MCC: variants seen among roughly 807,000 people sequenced by gnomAD.
MCC encodes colorectal mutant cancer protein.
In MCC, 90 loss-of-function variants were observed where a neutral mutation model predicts 116.2. The observed-to-expected ratio is 0.77, with a 90% CI of 0.65 to 0.92. The LOEUF (loss-of-function observed/expected upper bound fraction) is 0.92, where lower values mean the gene tolerates loss of function less well. MCC is among the 40% of genes least tolerant of loss of function. The pLI is 0.00. For synonymous variants in MCC, 578 were observed against 510.5 expected (o/e 1.13, Z -1.78); for missense variants, 1,516 against 1,312.2 (o/e 1.16, Z -2.40).
chr5:113,243,511 C>G (rs770825035), intron 3 of MCC, among the ~76,000 whole-genome samples: 1 of 152,180 alleles, frequency 6.6e-6, no homozygotes. Context: ...CAGGCTTTGA[C>G]TGAAAGAATA....
At chr5:113,132,034 T>C (rs1758462737) in intron 5 of MCC, among the ~76,000 whole-genome samples, 1 of 152,180 alleles carries the variant, frequency 6.6e-6, no homozygotes, top group African/African-American at 2.4e-5. Flanking sequence ...GGTTCAACTT[T>C]TGAAAATGAG....
chr5:113,227,572 G>C (rs878980139), intron 3 of MCC, among the ~76,000 whole-genome samples: 2 of 152,138 alleles, frequency 1.3e-5, no homozygotes, highest in African/African-American at 4.8e-5. Context: ...GTACTTTAAT[G>C]ATTTATAGAA....
chr5:113,344,063 C>T (rs1165269432), intron 2 of MCC, among the ~76,000 whole-genome samples: 2 of 152,174 alleles, frequency 1.3e-5, no homozygotes, highest in African/African-American at 4.8e-5. Flanking sequence ...TCACCAACAC[C>T]ACTCCTCCCG....
chr5:113,140,783 T>C (rs1759129569), intron 5 of MCC, among the ~76,000 whole-genome samples: 1 of 152,242 alleles, frequency 6.6e-6, no homozygotes, highest in Non-Finnish European at 1.5e-5. Context: ...CCACTGTGTC[T>C]GTCCAGTATG....
In MCC at chr5:113,053,789, C is replaced by G. The variant is rs142153308; in HGVS notation, c.2384G>C (p.Arg795Pro). 3.1e-6 allele frequency: 5 copies of G among 1,613,898 alleles called. No individual in the cohort carries two copies. The highest frequency in any genetic ancestry group is 4.2e-6 in the Non-Finnish European group (5 of 1,179,914). ...IDPLSYDVKPRGDSQRLDLEN... is the reference protein window; with the variant it reads ...IDPLSYDVKPPGDSQRLDLEN... The stretch of plus-strand genomic sequence containing the variant: ...CAGATCCAGCCTCTGGCTGTCTCCC[C>G]GAGGCTTGACGTCATAGCTGAGAGG... The change falls in exon 15 of 19, where the codon CGG becomes CCG. Residue 795 changes from arginine (R) to proline (P), a missense_variant. Transcript: ENST00000408903.
At chr5:113,463,250 A>C (rs1771796051) in intron 1 of MCC, among the ~76,000 whole-genome samples, 1 of 152,120 alleles carries the variant, frequency 6.6e-6, no homozygotes, top group Admixed American at 6.5e-5. Context: ...AAGAATTATG[A>C]CTCACTTGAA....
intron 1 of MCC, among the ~76,000 whole-genome samples, chr5:113,482,426 T>C (rs963175879): frequency 1.3e-5 from 2 of 151,510 alleles, no homozygotes; most frequent in East Asian, 3.9e-4. Flanking sequence ...ACACTTATTA[T>C]CTGACTTGTT....
chr5:113,144,934 G>A (rs1759402378), intron 4 of MCC, among the ~76,000 whole-genome samples: 1 of 152,114 alleles, frequency 6.6e-6, no homozygotes, highest in Non-Finnish European at 1.5e-5. Flanking sequence ...GTTGAATGAG[G>A]GGCACATCTA....
At chr5:113,107,539 C>A (rs1224611167) in intron 6 of MCC, among the ~76,000 whole-genome samples, 2 of 152,130 alleles carry the variant, frequency 1.3e-5, no homozygotes, top group African/African-American at 2.4e-5. Context: ...GAGATGGAGG[C>A]AGGTGGACAC....
chr5:113,383,266 T>C (rs1769169343), intron 2 of MCC, among the ~76,000 whole-genome samples: 1 of 152,246 alleles, frequency 6.6e-6, no homozygotes, highest in African/African-American at 2.4e-5. Flanking sequence ...CAACTATGTA[T>C]GTGTGTACAC....
At chr5:113,241,649 C>T (rs1288032738) in intron 3 of MCC, among the ~76,000 whole-genome samples, 1 of 152,200 alleles carries the variant, frequency 6.6e-6, no homozygotes, top group Admixed American at 6.5e-5. Flanking sequence ...ACAGAGAACT[C>T]TGTGATATGA....
intron 1 of MCC, among the ~76,000 whole-genome samples, chr5:113,424,228 C>A (rs73236479): frequency 0.043 from 6,323 of 148,554 alleles, 608 homozygotes; most frequent in Admixed American, 0.23. Context: ...ATATCAGGAA[C>A]AACTGAAGAC....
chr5:113,331,421 G>A (rs1767693492), intron 3 of MCC, among the ~76,000 whole-genome samples: 1 of 151,558 alleles, frequency 6.6e-6, no homozygotes, highest in Admixed American at 6.6e-5. Context: ...CAGGGGTATA[G>A]TAGTGTTAGT....
chr5:113,143,073 A>C (rs1293178795), intron 5 of MCC, 145 bp downstream of exon 5: 1 of 861,706 alleles, frequency 1.2e-6, no homozygotes, highest in Non-Finnish European at 1.7e-6. Flanking sequence ...AAAGCCTTAG[A>C]TACAAAGAAA....
rs1288154258 is a variant in MCC at position 113,318,836 on chromosome 5, T to TA, written c.627+21682dup. Among the ~76,000 whole-genome samples the TA allele has an allele frequency of 2.6e-5, 4 of 152,108 alleles. No individual in the cohort carries two copies. The East Asian group carries it at 7.7e-4, about 29-fold the overall frequency. On this transcript the variant is annotated intron_variant, in intron 3 of 18. Coordinates refer to ENST00000408903, the MANE Select transcript of MCC (RefSeq NM_001085377.2). ...GTGCCCCGGAACTTAAAATAAAAGT[T>TA]AAAAAAAATGAAAATTTTATAATGC...
At chr5:113,236,848 G>A (rs1237443293) in intron 3 of MCC, among the ~76,000 whole-genome samples, 1 of 152,164 alleles carries the variant, frequency 6.6e-6, no homozygotes, top group East Asian at 1.9e-4. Context: ...CACTTGGTGG[G>A]TGGCTTCGCT....
chr5:113,370,622 A>T (rs922962080), intron 2 of MCC, among the ~76,000 whole-genome samples: 66 of 152,360 alleles, frequency 4.3e-4, no homozygotes, highest in African/African-American at 1.4e-3. Context: ...GCAGACTGGT[A>T]GAATATGGAC....
chr5:113,167,435 G>A (rs1760827677), intron 3 of MCC, among the ~76,000 whole-genome samples: 1 of 152,152 alleles, frequency 6.6e-6, no homozygotes, highest in Admixed American at 6.5e-5. Context: ...AATAGAACTG[G>A]AAATTTATTT....
chr5:113,468,439 G>T lies in MCC; in HGVS notation c.170+19806C>A, dbSNP rs372261370. 4.6e-5 allele frequency among the ~76,000 whole-genome samples: 7 copies of T among 152,270 alleles called. No individual in the cohort carries two copies. In the East Asian group the frequency reaches 9.6e-4, roughly 21 times the overall value. On this transcript the variant is annotated intron_variant, in intron 1 of 18. Coordinates refer to ENST00000408903, the MANE Select transcript of MCC (RefSeq NM_001085377.2). ...GCCTTTTCTGCATCTATTGAGATAA[G>T]CATGTGGTTTTTGTCTTTGGTTCTG...
Sources: allele counts gnomAD v4.1 joint callset (sites outside exome capture counted in the v4.1 genomes callset), GRCh38; gene constraint gnomAD v4.1.1; transcripts MANE v1.5; gene names NCBI Gene and HGNC (gene_info 2026-07-23, HGNC 2026-07-21).